Variants in TMEM178B observed in about 807,000 individuals in gnomAD.
TMEM178B encodes the protein transmembrane protein 178B.
A neutral mutation model predicts 31.0 loss-of-function variants in TMEM178B; 5 were observed. The observed-to-expected ratio is 0.16, with a 90% confidence interval of 0.08 to 0.34. The LOEUF (loss-of-function observed/expected upper bound fraction) is 0.34, where lower values mean the gene tolerates loss of function less well. TMEM178B is among the 10% of genes least tolerant of loss of function. The probability of loss-of-function intolerance (pLI) is 1.00; values close to 1 mark genes in which losing one functional copy is unlikely to be tolerated. For missense variants in TMEM178B, 275 were observed against 400.3 expected (o/e 0.69, Z 2.67); for synonymous variants, 164 against 164.0 (o/e 1.00, Z 0.00).
chr7:141,209,750 G>C (rs1356831258), intron 1 of TMEM178B, among the ~76,000 whole-genome samples: 1 of 152,162 alleles, frequency 6.6e-6, no homozygotes, highest in African/African-American at 2.4e-5. Context: ...TGCAAGGAAG[G>C]CTTTGCTGAG....
At chr7:141,338,976 T>C (rs1799470927) in intron 2 of TMEM178B, among the ~76,000 whole-genome samples, 1 of 152,180 alleles carries the variant, frequency 6.6e-6, no homozygotes, top group South Asian at 2.1e-4. Context: ...AAATTGTTAT[T>C]TCAGAAATAT....
At chr7:141,356,642 G>C (rs546214514) in intron 2 of TMEM178B, among the ~76,000 whole-genome samples, 1 of 150,536 alleles carries the variant, frequency 6.6e-6, no homozygotes, top group East Asian at 2.0e-4. Context: ...CCATAGTTGC[G>C]GGGTTGGGCG....
chr7:141,274,210 G>T (rs6967141), intron 2 of TMEM178B, among the ~76,000 whole-genome samples: 133,601 of 152,266 alleles, frequency 0.88, 58,673 homozygotes, highest in East Asian at 0.99. Flanking sequence ...ATGGCTTTGT[G>T]TTTTGTCCAT....
In TMEM178B at chr7:141,228,640, T is replaced by A. The variant is rs576308462; in HGVS notation, c.496+15936T>A. Among the ~76,000 whole-genome samples, 5 of 152,330 alleles carry A rather than the reference T, an allele frequency of 3.3e-5. No individual in the cohort carries two copies. In the East Asian group the frequency reaches 9.6e-4, roughly 29 times the overall value. ...GGCTGTCAGGATCTCCAGTGCAGCCTCATAACAGCTTAAGCCCTTGCTCTG... is the reference window on the plus strand; with the variant it reads ...GGCTGTCAGGATCTCCAGTGCAGCCACATAACAGCTTAAGCCCTTGCTCTG... On this transcript the variant is annotated intron_variant, in intron 2 of 3. Coordinates refer to ENST00000565468, the MANE Select transcript of TMEM178B (RefSeq NM_001195278.2).
intron 2 of TMEM178B, among the ~76,000 whole-genome samples, chr7:141,393,869 G>T (rs1800589994): frequency 6.6e-6 from 1 of 152,126 alleles, no homozygotes; most frequent in Non-Finnish European, 1.5e-5. Flanking sequence ...TCAAAGACAT[G>T]CTTTTAACTT....
At chr7:141,442,578 C>G (rs576244378) in intron 3 of TMEM178B, among the ~76,000 whole-genome samples, 5 of 152,156 alleles carry the variant, frequency 3.3e-5, no homozygotes, top group Non-Finnish European at 7.3e-5. Context: ...CACTGGCTGC[C>G]TTTCTACCCT....
Position 141,479,775 on chromosome 7 carries a change from T to G in TMEM178B, c.*8989T>G, listed in dbSNP as rs1802441344. 6.6e-6 allele frequency: 1 copy of G among 152,236 alleles called. No individual in the cohort carries two copies. Among genetic ancestry groups the G allele is most frequent in the African/African-American group, 2.4e-5 (1 of 41,460 alleles). The allele number at this position is 152,236 out of a possible 1,614,324, so 9.4% of individuals were successfully genotyped here. On this transcript the variant is annotated 3_prime_UTR_variant, in exon 4 of 4. Transcript: ENST00000565468. ...GCCCACCAGATTATTGCTCAGTCAA[T>G]ATAAATTTATTTACCTTTATTTTAA...
At position 141,212,715 on chromosome 7, in the gene TMEM178B, C is replaced by T. The variant is rs1563119203; in HGVS notation, c.496+11C>T. The T allele has an allele frequency of 4.6e-6, 7 of 1,531,454 alleles. No homozygotes were observed. Among genetic ancestry groups the T allele is most frequent in the Non-Finnish European group, 6.1e-6 (7 of 1,142,728 alleles). 94.9% of individuals were successfully genotyped at this position (1,531,454 alleles called of 1,614,324 possible). Reference sequence around the variant, plus strand: ...AGTGGCATGCCCTACGTAAGTGCACCTGAGTCTCAGTGGCTGTGACTGTGC... The same window carrying T: ...AGTGGCATGCCCTACGTAAGTGCACTTGAGTCTCAGTGGCTGTGACTGTGC... On this transcript the variant is annotated intron_variant, in intron 2 of 3. Transcript: ENST00000565468.
intron 2 of TMEM178B, among the ~76,000 whole-genome samples, chr7:141,388,884 TA>T (rs1800482074): frequency 6.8e-6 from 1 of 147,420 alleles, no homozygotes; most frequent in Non-Finnish European, 1.5e-5. Flanking sequence ...CTGAAATTTT[TA>T]TTAAGGAAGG....
chr7:141,161,370 G>A (rs1366788185), intron 1 of TMEM178B, among the ~76,000 whole-genome samples: 1 of 152,174 alleles, frequency 6.6e-6, no homozygotes, highest in African/African-American at 2.4e-5. Context: ...TCGACGGGAA[G>A]GCTCTGCTGG....
chr7:141,233,474 A>T (rs1295768500), intron 2 of TMEM178B, among the ~76,000 whole-genome samples: 1 of 152,164 alleles, frequency 6.6e-6, no homozygotes, highest in East Asian at 1.9e-4. Context: ...TCTCCAAGTG[A>T]TAGTCCACCG....
chr7:141,144,701 G>A (rs564782421), intron 1 of TMEM178B, among the ~76,000 whole-genome samples: 23 of 152,232 alleles, frequency 1.5e-4, no homozygotes, highest in East Asian at 1.2e-3. Context: ...AAGGATGGGG[G>A]CAGAGGTAGG....
chr7:141,463,213 C>T (rs562928557), intron 3 of TMEM178B, among the ~76,000 whole-genome samples: 22 of 152,256 alleles, frequency 1.4e-4, no homozygotes, highest in East Asian at 5.8e-4. Flanking sequence ...CAACCAGCTG[C>T]GACTGGCTGG....
the TMEM178B span, among the ~76,000 whole-genome samples, chr7:141,486,793 T>C: frequency 6.6e-6 from 1 of 152,266 alleles, no homozygotes; most frequent in South Asian, 2.1e-4. Context: ...CTGAAGTTGC[T>C]GACAGTGTCA....
At chr7:141,165,754 G>C (rs2129182176) in intron 1 of TMEM178B, among the ~76,000 whole-genome samples, 1 of 152,334 alleles carries the variant, frequency 6.6e-6, no homozygotes, top group South Asian at 2.1e-4. Context: ...CAGGCCGCTT[G>C]AGTTGAAATC....
At chr7:141,237,807 T>C (rs1285876989) in intron 2 of TMEM178B, among the ~76,000 whole-genome samples, 1 of 152,122 alleles carries the variant, frequency 6.6e-6, no homozygotes, top group African/African-American at 2.4e-5. Context: ...GCAGATCACC[T>C]GAGGTCAGGA....
intron 3 of TMEM178B, among the ~76,000 whole-genome samples, chr7:141,452,019 C>T (rs1163720711): frequency 1.3e-5 from 2 of 152,152 alleles, no homozygotes; most frequent in Non-Finnish European, 2.9e-5. Context: ...TATAACAATA[C>T]CCTTTTGATT....
intron 2 of TMEM178B, among the ~76,000 whole-genome samples, chr7:141,319,511 C>T (rs1488133970): frequency 1.3e-5 from 2 of 152,154 alleles, no homozygotes; most frequent in African/African-American, 2.4e-5. Context: ...CGTTGAAAAA[C>T]AGCCTCCCTC....
rs556364608 is a variant in TMEM178B, at chr7:141,200,421, G to A, written c.383-12170G>A. Among the ~76,000 whole-genome samples, 12 of 152,234 alleles carry A rather than the reference G, an allele frequency of 7.9e-5. No individual in the cohort carries two copies. In the East Asian group the frequency reaches 2.3e-3, roughly 30 times the overall value. ...TTAGTGGGTCTGTCCTGGTTGCGGG[G>A]GGAGACAGGATGGCTTGAAGGAGCT... is the stretch of plus-strand genomic sequence containing the variant. On this transcript the variant is annotated intron_variant, in intron 1 of 3. Coordinates refer to ENST00000565468, the MANE Select transcript of TMEM178B (RefSeq NM_001195278.2).
Sources: gnomAD v4.1 joint callset for allele counts (sites outside exome capture counted in the v4.1 genomes callset) on GRCh38, gnomAD v4.1.1 for gene constraint, MANE v1.5 for transcripts, NCBI Gene and HGNC (gene_info 2026-07-23, HGNC 2026-07-21) for gene names.